SRP19: variants seen among roughly 807,000 people sequenced by gnomAD.
SRP19 encodes the protein signal recognition particle 19, also known as signal recognition particle 19 kDa protein.
In SRP19, 11 loss-of-function variants were observed where a neutral mutation model predicts 22.4. The ratio of observed to expected loss-of-function variants is 0.49; its 90% confidence interval spans 0.31 to 0.81. The LOEUF is 0.81. Among genes scored for constraint, SRP19 ranks in the 40% least tolerant of loss-of-function variants. The probability of loss-of-function intolerance (pLI) is 0.05; values close to 1 mark genes in which losing one functional copy is unlikely to be tolerated. For synonymous variants in SRP19, 61 were observed against 57.6 expected (o/e 1.06, Z -0.27); for missense variants, 168 against 175.9 (o/e 0.96, Z 0.25).
At chr5:112,877,640 A>C (rs781397086) in intron 4 of SRP19, 4 of 152,124 alleles carry the variant, frequency 2.6e-5, no homozygotes, top group Non-Finnish European at 5.9e-5. Flanking sequence ...CTGAAGATAG[A>C]TTGACTTAAC....
At chr5:112,891,722 T>C (rs1419367968) in exon 5 of SRP19, 1 of 1,613,826 alleles carries the variant, frequency 6.2e-7, no homozygotes, top group Non-Finnish European at 8.5e-7. Flanking sequence ...AGGGCCGCCC[T>C]GAAGAAGGAG....
At chr5:112,872,421 C>T (rs1051201873), downstream of SRP19, among the ~76,000 whole-genome samples, 11 of 149,952 alleles carry the variant, frequency 7.3e-5, no homozygotes, top group Admixed American at 6.8e-4. Context: ...CTCTGCCTCC[C>T]GGGTTCAAGG....
chr5:112,876,306 A>T lies in SRP19; in HGVS notation c.301+11574A>T, dbSNP rs1368598605. 4 of 152,344 alleles carry T rather than the reference A, an allele frequency of 2.6e-5. No individual in the cohort carries two copies. In the South Asian group the frequency reaches 8.3e-4, roughly 32 times the overall value. The allele number at this position is 152,344 out of a possible 1,614,324, so 9.4% of individuals were successfully genotyped here. A position where few individuals can be genotyped will look rare whatever the true frequency, so the allele number is the denominator to read the frequency against. On this transcript the variant is annotated intron_variant, in intron 4 of 4. Transcript: ENST00000391338. ...AAAGAGCAGTGTTCATGGCTCATTT[A>T]TCTGTATTTACTTAAAACTTTCCTT...
Position 112,883,908 on chromosome 5 carries a change from CCCAATCCATAAG to C in SRP19, c.302-7681_302-7670del, listed in dbSNP as rs375232010. Reference sequence around the variant, plus strand: ...TTGTCCTTAACCCCTCTGACCCATGCCCAATCCATAAGCCAATCCATAAGCAAATCCCATTAC... The same window carrying C: ...TTGTCCTTAACCCCTCTGACCCATGCCCAATCCATAAGCAAATCCCATTAC... On this transcript the variant is annotated intron_variant, in intron 4 of 4. Coordinates refer to the SRP19 transcript ENST00000391338. 7.7e-3 allele frequency among the ~76,000 whole-genome samples: 1,174 copies of C among 152,224 alleles called. 18 individuals are homozygous for C. The highest frequency in any genetic ancestry group is 0.027 in the African/African-American group (1,104 of 41,530).
At chr5:112,883,626 T>C (rs1768143202) in intron 4 of SRP19, among the ~76,000 whole-genome samples, 1 of 152,220 alleles carries the variant, frequency 6.6e-6, no homozygotes, top group African/African-American at 2.4e-5. Flanking sequence ...GCTTAATATG[T>C]ATAAGCTTGT....
chr5:112,892,156 G>A (rs1032053607), exon 5 of SRP19: 13 of 1,614,072 alleles, frequency 8.1e-6, no homozygotes, highest in Admixed American at 1.7e-5. Context: ...AATGGAGAAG[G>A]ATCGAGCTAA....
At chr5:112,891,611 T>A (rs1768450591) in exon 5 of SRP19, 2 of 1,574,190 alleles carry the variant, frequency 1.3e-6, no homozygotes, top group African/African-American at 1.4e-5. Context: ...AGGTTAAGAA[T>A]GTCTGAGGGG....
At chr5:112,870,371 A>C (rs59269829), downstream of SRP19, among the ~76,000 whole-genome samples, 989 of 152,198 alleles carry the variant, frequency 6.5e-3, 11 homozygotes, top group African/African-American at 0.022. Flanking sequence ...AGTCTTAGCT[A>C]CTTGGGAGGC....
At chr5:112,896,488 A>G (rs892860620), downstream of SRP19, 3 of 152,060 alleles carry the variant, frequency 2.0e-5, no homozygotes, top group African/African-American at 7.3e-5. Context: ...ACGCCACTTC[A>G]CTCCACTCCA....
At chr5:112,892,445 C>T in exon 5 of SRP19, 1 of 1,614,118 alleles carries the variant, frequency 6.2e-7, no homozygotes, top group Non-Finnish European at 8.5e-7. Flanking sequence ...AATTTGGAAC[C>T]TCACCTGAGG....
chr5:112,874,049 C>G (rs1284886118), downstream of SRP19, among the ~76,000 whole-genome samples: 2 of 152,118 alleles, frequency 1.3e-5, no homozygotes, highest in Non-Finnish European at 2.9e-5. Context: ...ACCTGTAGTT[C>G]TAGCTACTCT....
chr5:112,868,374 C>T lies in SRP19; in HGVS notation c.*837C>T. The T allele has an allele frequency of 1.0e-6, 1 of 999,606 alleles. No homozygotes were observed. Among genetic ancestry groups the T allele is most frequent in the Admixed American group, 6.0e-5 (1 of 16,644 alleles). 61.9% of individuals were successfully genotyped at this position (999,606 alleles called of 1,614,324 possible). ...AATTCTGCAAGCTATCTCATATTTTCAGTAAATTCCATTTTTTTTAAGTTT... is the reference window on the plus strand; with the variant it reads ...AATTCTGCAAGCTATCTCATATTTTTAGTAAATTCCATTTTTTTTAAGTTT... On this transcript the variant is annotated 3_prime_UTR_variant, in exon 5 of 5. Coordinates refer to ENST00000505459, the MANE Select transcript of SRP19 (RefSeq NM_003135.3).
At position 112,868,302 on chromosome 5, in the gene SRP19, C is replaced by A. The variant is rs1580717481; in HGVS notation, c.*765C>A. 1.0e-6 allele frequency: 1 copy of A among 985,648 alleles called. No homozygotes were observed. Among genetic ancestry groups the A allele is most frequent in the Admixed American group, 6.1e-5 (1 of 16,294 alleles). The allele number at this position is 985,648 out of a possible 1,614,324, so 61.1% of individuals were successfully genotyped here. A position where few individuals can be genotyped will look rare whatever the true frequency, so the allele number is the denominator to read the frequency against. Reference sequence around the variant, plus strand: ...GGTTTCTGAAAGTAGTGATTTTGAGCTATCCCAATTCCTGTTCTTCCTGAG... The same window carrying A: ...GGTTTCTGAAAGTAGTGATTTTGAGATATCCCAATTCCTGTTCTTCCTGAG... On this transcript the variant is annotated 3_prime_UTR_variant, in exon 5 of 5. Coordinates refer to ENST00000505459, the MANE Select transcript of SRP19 (RefSeq NM_003135.3).
At position 112,861,322 on chromosome 5, in the gene SRP19, G is replaced by C. The variant is rs889585527; in HGVS notation, c.-55G>C. 12 of 1,609,302 alleles carry C rather than the reference G, an allele frequency of 7.5e-6. No individual in the cohort carries two copies. In the South Asian group the frequency reaches 1.2e-4, roughly 16 times the overall value. ...GGAAACTCAGAGCCGGGTTCCTCCC[G>C]GGTTTCTGCCGGGTTTCTCCCTGCG... On this transcript the variant is annotated 5_prime_UTR_variant, in exon 1 of 5. Coordinates refer to ENST00000505459, the MANE Select transcript of SRP19 (RefSeq NM_003135.3).
chr5:112,866,826 G>A (rs1580715921), intron 4 of SRP19, among the ~76,000 whole-genome samples: 1 of 152,328 alleles, frequency 6.6e-6, no homozygotes, highest in East Asian at 1.9e-4. Context: ...GGTAGAAGTT[G>A]TGGTGAGAAC....
chr5:112,883,143 A>C (rs1768128973), intron 4 of SRP19, among the ~76,000 whole-genome samples: 1 of 152,164 alleles, frequency 6.6e-6, no homozygotes, highest in Non-Finnish European at 1.5e-5. Context: ...AAACTTTTAA[A>C]ATTTCAGGAC....
At chr5:112,887,334 G>T (rs1034838513) in intron 4 of SRP19, 4 of 684,776 alleles carry the variant, frequency 5.8e-6, no homozygotes, top group African/African-American at 1.8e-5. Flanking sequence ...TTAAAGGTGG[G>T]CTTTCTTTAG....
downstream of SRP19, chr5:112,897,770 G>C (rs1053208921): frequency 6.6e-6 from 1 of 152,032 alleles, no homozygotes; most frequent in African/African-American, 2.4e-5. Context: ...TATTAAACAT[G>C]TCCTCGGGCT....
rs893786200 is a variant in SRP19 at position 112,864,637 on chromosome 5, C to T, written c.206C>T (p.Ser69Phe). Residue 69 changes from serine (S) to phenylalanine (F), a missense_variant, in exon 4 of 5, where the codon TCT becomes TTT. By Grantham distance (155) the Ser-to-Phe change is radical. Transcript: ENST00000505459. The stretch of plus-strand genomic sequence containing the variant: ...TTATGTTAGAAAAATAAAATGTACT[C>T]TAGAGAATGGAATCGTGATGTCCAA... The part of the protein sequence containing the change: ...NVFLEKNKMY[S>F]REWNRDVQYR... 6.2e-7 allele frequency: 1 copy of T among 1,613,892 alleles called. No individual in the cohort carries two copies. Among genetic ancestry groups the T allele is most frequent in the African/African-American group, 1.3e-5 (1 of 74,870 alleles).
Sources: allele counts gnomAD v4.1 joint callset (sites outside exome capture counted in the v4.1 genomes callset), GRCh38; gene constraint gnomAD v4.1.1; transcripts MANE v1.5; gene names NCBI Gene and HGNC (gene_info 2026-07-23, HGNC 2026-07-21).